SDK1: variants seen among roughly 807,000 people sequenced by gnomAD.
The protein encoded by SDK1 is sidekick cell adhesion molecule 1.
SDK1 carries 157 observed loss-of-function variants against 245.5 expected under a neutral mutation model. That is an observed-to-expected ratio of 0.64 (90% CI 0.56 to 0.73). SDK1 has a LOEUF of 0.73. Ranked by LOEUF, SDK1 falls within the 30% of genes least tolerant of loss-of-function variation. SDK1 has a pLI of 0.00. For missense variants in SDK1, 3,583 were observed against 3,002.3 expected (o/e 1.19, Z -4.52); for synonymous variants, 1,647 against 1,278.5 (o/e 1.29, Z -6.15).
chr7:4,175,443 GC>G (rs1353651579), intron 33 of SDK1, among the ~76,000 whole-genome samples: 1 of 152,240 alleles, frequency 6.6e-6, no homozygotes, highest in African/African-American at 2.4e-5. Flanking sequence ...AGCTGCACCT[GC>G]CCCGGGGTGA....
intron 4 of SDK1, among the ~76,000 whole-genome samples, chr7:3,731,488 C>T (rs905017265): frequency 2.0e-5 from 3 of 152,184 alleles, no homozygotes; most frequent in Admixed American, 6.5e-5. Context: ...TGCCAGATGA[C>T]GTTTCTTCTG....
intron 4 of SDK1, among the ~76,000 whole-genome samples, chr7:3,678,309 C>G (rs1045112298): frequency 1.3e-5 from 2 of 152,132 alleles, no homozygotes; most frequent in Non-Finnish European, 2.9e-5. Context: ...CTAAACAGAC[C>G]TTGTACACCA....
intron 1 of SDK1, among the ~76,000 whole-genome samples, chr7:3,590,239 A>G (rs1780822687): frequency 6.8e-6 from 1 of 146,684 alleles, no homozygotes; most frequent in Admixed American, 6.8e-5. Context: ...CAGAAGTTGA[A>G]TTTTAGTGGA....
intron 4 of SDK1, among the ~76,000 whole-genome samples, chr7:3,768,791 C>T (rs1177250939): frequency 6.6e-6 from 1 of 152,234 alleles, no homozygotes; most frequent in Non-Finnish European, 1.5e-5. Flanking sequence ...GTGTATTCCT[C>T]TGAAGTCCCT....
chr7:3,952,034 T>A (rs936778657), intron 7 of SDK1, 114 bp downstream of exon 7: 1 of 968,610 alleles, frequency 1.0e-6, no homozygotes, highest in Non-Finnish European at 1.5e-6. Flanking sequence ...ACTCGGCAAA[T>A]GAAGGTGAGG....
At chr7:3,418,345 C>CT (rs1257817685) in intron 1 of SDK1, among the ~76,000 whole-genome samples, 2 of 151,992 alleles carry the variant, frequency 1.3e-5, no homozygotes, top group African/African-American at 4.8e-5. Flanking sequence ...AGGCATTATA[C>CT]TATGACTCTT....
rs142008214 is a variant in SDK1, at chr7:4,189,458, C to A, written c.5098+10872C>A. ...CCACACCCAATGGGGAGTGGCTGCC[C>A]AGCTCAGATGAGAGCCGAGTGTCCA... is the stretch of plus-strand genomic sequence containing the variant. On this transcript the variant is annotated intron_variant, in intron 35 of 44. Transcript: ENST00000404826. 2.3e-3 allele frequency among the ~76,000 whole-genome samples: 355 copies of A among 152,324 alleles called. 1 individual carries two copies. Among genetic ancestry groups the A allele is most frequent in the African/African-American group, 7.6e-3 (317 of 41,570 alleles).
rs186896096 is a variant in SDK1, at chr7:3,824,679, A to G, written c.847+3096A>G. On this transcript the variant is annotated intron_variant, in intron 5 of 44. Coordinates refer to ENST00000404826, the MANE Select transcript of SDK1 (RefSeq NM_152744.4). The stretch of plus-strand genomic sequence containing the variant: ...AATACATTTTCATCAACAACCTTGT[A>G]CTTGAGAGTTCAAAAACGTCACCCC... Among the ~76,000 whole-genome samples the G allele has an allele frequency of 1.4e-3, 217 of 152,322 alleles. 1 individual carries two copies. The highest frequency in any genetic ancestry group is 4.9e-3 in the African/African-American group (204 of 41,580).
At chr7:3,637,389 G>A (rs1562620787) in intron 2 of SDK1, among the ~76,000 whole-genome samples, 1 of 152,316 alleles carries the variant, frequency 6.6e-6, no homozygotes, top group Non-Finnish European at 1.5e-5. Context: ...GAGCCACCAC[G>A]TCTGGCCTCT....
At chr7:3,669,525 A>G (rs1336365947) in intron 4 of SDK1, among the ~76,000 whole-genome samples, 1 of 127,466 alleles carries the variant, frequency 7.8e-6, no homozygotes, top group Non-Finnish European at 1.6e-5. Context: ...TGAATTCAAT[A>G]ACACAACACA....
intron 4 of SDK1, among the ~76,000 whole-genome samples, chr7:3,765,668 C>T (rs551424084): frequency 6.6e-6 from 1 of 152,278 alleles, no homozygotes; most frequent in Non-Finnish European, 1.5e-5. Flanking sequence ...CTTCATTATG[C>T]TTTCAGTGTA....
intron 40 of SDK1, among the ~76,000 whole-genome samples, chr7:4,230,920 C>T (rs1384978401): frequency 6.6e-6 from 1 of 152,138 alleles, no homozygotes; most frequent in East Asian, 1.9e-4. Flanking sequence ...GTCATTAGAA[C>T]AGCAATCTCA....
intron 32 of SDK1, among the ~76,000 whole-genome samples, chr7:4,169,178 T>C (rs1451207469): frequency 2.0e-5 from 3 of 152,220 alleles, no homozygotes; most frequent in Non-Finnish European, 4.4e-5. Context: ...CAAGACTGGT[T>C]GTTACCGGGA....
At chr7:3,949,067 T>C (rs1232948116) in intron 5 of SDK1, among the ~76,000 whole-genome samples, 1 of 152,162 alleles carries the variant, frequency 6.6e-6, no homozygotes, top group African/African-American at 2.4e-5. Flanking sequence ...CTCTGCCATC[T>C]TCTCAGAAAT....
intron 1 of SDK1, among the ~76,000 whole-genome samples, chr7:3,528,685 C>T (rs959445646): frequency 2.0e-5 from 3 of 151,918 alleles, no homozygotes; most frequent in Non-Finnish European, 4.4e-5. Flanking sequence ...AGTGGCAGGG[C>T]TTGGGTTTTA....
At chr7:3,485,477 C>T (rs1212770823) in intron 1 of SDK1, among the ~76,000 whole-genome samples, 2 of 152,118 alleles carry the variant, frequency 1.3e-5, no homozygotes, top group Non-Finnish European at 1.5e-5. Flanking sequence ...AGGTGTTTTC[C>T]CTCCAGGCTG....
intron 1 of SDK1, among the ~76,000 whole-genome samples, chr7:3,597,538 A>G (rs1287112329): frequency 1.3e-5 from 2 of 152,168 alleles, no homozygotes; most frequent in Non-Finnish European, 2.9e-5. Context: ...AAAGTGTTAG[A>G]GAGAACTTCC....
intron 1 of SDK1, among the ~76,000 whole-genome samples, chr7:3,595,237 T>TTA (rs951314293): frequency 3.9e-5 from 6 of 152,078 alleles, no homozygotes; most frequent in African/African-American, 1.2e-4. Flanking sequence ...TTGCTTGTAA[T>TTA]TATATATATA....
At chr7:3,600,105 C>G (rs184682097) in intron 1 of SDK1, among the ~76,000 whole-genome samples, 47 of 152,150 alleles carry the variant, frequency 3.1e-4, no homozygotes, top group African/African-American at 1.1e-3. Flanking sequence ...ATTTCTGTTA[C>G]CAGCATTTTA....
Sources: allele counts gnomAD v4.1 joint callset (sites outside exome capture counted in the v4.1 genomes callset), GRCh38; gene constraint gnomAD v4.1.1; transcripts MANE v1.5; gene names NCBI Gene and HGNC (gene_info 2026-07-23, HGNC 2026-07-21).